Variants in EPHA3 observed in about 807,000 individuals in gnomAD.
The protein encoded by EPHA3 is EPH receptor A3, also known as ephrin type-A receptor 3.
A neutral mutation model predicts 107.1 loss-of-function variants in EPHA3; 42 were observed. That is an observed-to-expected ratio of 0.39 (90% CI 0.31 to 0.51). The LOEUF is 0.51. Among genes scored for constraint, EPHA3 ranks in the 20% least tolerant of loss-of-function variants. EPHA3 has a pLI of 0.78. For synonymous variants in EPHA3, 461 were observed against 424.8 expected, an observed-to-expected ratio of 1.09 and a Z score of -1.05; for missense variants, 1,183 against 1,211.2, an observed-to-expected ratio of 0.98 and a Z score of 0.35.
chr3:89,428,459 T>C (rs147896133), intron 11 of EPHA3, among the ~76,000 whole-genome samples: 2 of 152,294 alleles, frequency 1.3e-5, no homozygotes, highest in South Asian at 2.1e-4. Flanking sequence ...AAACTGGTTA[T>C]TACAAGTTAC....
intron 3 of EPHA3, among the ~76,000 whole-genome samples, chr3:89,246,646 A>G (rs1465620807): frequency 6.6e-6 from 1 of 152,160 alleles, no homozygotes; most frequent in East Asian, 1.9e-4. Flanking sequence ...TCGAATATCA[A>G]TTGCTACTCT....
chr3:89,299,034 G>A (rs1188353788), intron 3 of EPHA3, among the ~76,000 whole-genome samples: 6 of 152,000 alleles, frequency 3.9e-5, no homozygotes, highest in Admixed American at 3.9e-4. Flanking sequence ...TTAATGAAGA[G>A]ATTATTTTAT....
Position 89,264,334 on chromosome 3 carries a change from G to A in EPHA3, c.814+53814G>A, listed in dbSNP as rs138142565. The stretch of plus-strand genomic sequence containing the variant: ...TCACAAGCAAGTGTGAAACCCAGTA[G>A]GGAAAATTCCACTGGGTTTCAAGGC... On this transcript the variant is annotated intron_variant, in intron 3 of 16. Transcript: ENST00000336596. Among the ~76,000 whole-genome samples, 394 of 152,204 alleles carry A rather than the reference G, an allele frequency of 2.6e-3. 1 individual carries two copies. Among genetic ancestry groups the A allele is most frequent in the African/African-American group, 8.9e-3 (368 of 41,538 alleles).
Position 89,413,239 on chromosome 3 carries a change from A to G in EPHA3, c.1861A>G (p.Ile621Val). The change falls in exon 10 of 17, where the codon ATA becomes GTA. Residue 621 changes from isoleucine (I) to valine (V), a missense_variant. Transcript: ENST00000336596. The stretch of plus-strand genomic sequence containing the variant: ...TGCCAAGGAATTGGATGCCACCAAC[A>G]TATCCATTGATAAAGTTGTTGGAGC... ...EFAKELDATN[I>V]SIDKVVGAGE... 6.2e-7 allele frequency: 1 copy of G among 1,611,712 alleles called. No homozygotes were observed. The highest frequency in any genetic ancestry group is 8.5e-7 in the Non-Finnish European group (1 of 1,178,340).
At chr3:89,260,789 G>A (rs1368307546) in intron 3 of EPHA3, among the ~76,000 whole-genome samples, 3 of 152,096 alleles carry the variant, frequency 2.0e-5, no homozygotes, top group Non-Finnish European at 4.4e-5. Context: ...TTTGCCTTTT[G>A]TTTTGCACAC....
At chr3:89,414,582 G>C (rs1709212851) in intron 10 of EPHA3, among the ~76,000 whole-genome samples, 1 of 151,622 alleles carries the variant, frequency 6.6e-6, no homozygotes, top group Non-Finnish European at 1.5e-5. Flanking sequence ...CTCCAGCACG[G>C]AGCCTGCGGT....
intron 7 of EPHA3, among the ~76,000 whole-genome samples, chr3:89,404,177 G>C (rs1192741558): frequency 2.0e-5 from 3 of 152,116 alleles, no homozygotes; most frequent in African/African-American, 7.2e-5. Flanking sequence ...AAGGAAGCCT[G>C]ACAAAGGGAG....
At chr3:89,115,461 A>G (rs1025536919) in intron 1 of EPHA3, among the ~76,000 whole-genome samples, 1 of 151,926 alleles carries the variant, frequency 6.6e-6, no homozygotes, top group African/African-American at 2.4e-5. Flanking sequence ...TGGGCAAGAG[A>G]GGGTTTTTGG....
rs536672333 is a variant in EPHA3 at position 89,192,447 on chromosome 3, A to G, written c.154-17413A>G. Among the ~76,000 whole-genome samples, 210 of 152,062 alleles carry G rather than the reference A, an allele frequency of 1.4e-3. 2 individuals are homozygous for G. The highest frequency in any genetic ancestry group is 4.7e-3 in the African/African-American group (196 of 41,530). ...ATAATAATAAATATAAATAAAAGGT[A>G]AAATATACTATATATACTACATACA... On this transcript the variant is annotated intron_variant, in intron 2 of 16. Transcript: ENST00000336596.
chr3:89,300,232 T>C (rs1297906171), intron 3 of EPHA3, among the ~76,000 whole-genome samples: 2 of 152,002 alleles, frequency 1.3e-5, no homozygotes, highest in Non-Finnish European at 2.9e-5. Context: ...ATCAGGAAGA[T>C]AGTATTACTC....
chr3:89,378,496 C>CA (rs1167839694), intron 5 of EPHA3, among the ~76,000 whole-genome samples: 1 of 151,658 alleles, frequency 6.6e-6, no homozygotes, highest in African/African-American at 2.4e-5. Flanking sequence ...TAGTTTTTTA[C>CA]AAAAAATCTC....
chr3:89,166,717 A>G (rs1381415359), intron 2 of EPHA3, among the ~76,000 whole-genome samples: 1 of 151,976 alleles, frequency 6.6e-6, no homozygotes, highest in Non-Finnish European at 1.5e-5. Context: ...ACAGTGACAT[A>G]TCAGAAATGT....
chr3:89,245,752 C>A (rs1368266251), intron 3 of EPHA3, among the ~76,000 whole-genome samples: 1 of 152,210 alleles, frequency 6.6e-6, no homozygotes, highest in African/African-American at 2.4e-5. Flanking sequence ...GGCCATCCAG[C>A]TGGCATCTAC....
At chr3:89,474,971 A>G (rs1165486845) in intron 16 of EPHA3, among the ~76,000 whole-genome samples, 1 of 152,160 alleles carries the variant, frequency 6.6e-6, no homozygotes, top group East Asian at 1.9e-4. Context: ...TGGTATGGAT[A>G]TGTCCATATT....
At chr3:89,145,866 T>C (rs1704546075) in intron 2 of EPHA3, among the ~76,000 whole-genome samples, 1 of 151,940 alleles carries the variant, frequency 6.6e-6, no homozygotes, top group Non-Finnish European at 1.5e-5. Flanking sequence ...CACCACTGTG[T>C]AATAATATCT....
chr3:89,182,618 G>A lies in EPHA3; in HGVS notation c.154-27242G>A, dbSNP rs539569483. Among the ~76,000 whole-genome samples, 3 of 151,976 alleles carry A rather than the reference G, an allele frequency of 2.0e-5. No individual in the cohort carries two copies. The East Asian group carries it at 5.8e-4, about 29-fold the overall frequency. ...ATAAATTTTGAGCAGAGAAAGTATAGCTTAAATGAAATAGGTTTTTCTAAT... is the reference window on the plus strand; with the variant it reads ...ATAAATTTTGAGCAGAGAAAGTATAACTTAAATGAAATAGGTTTTTCTAAT... On this transcript the variant is annotated intron_variant, in intron 2 of 16. Coordinates refer to ENST00000336596, the MANE Select transcript of EPHA3 (RefSeq NM_005233.6).
chr3:89,164,396 G>A (rs1424075029), intron 2 of EPHA3, among the ~76,000 whole-genome samples: 8 of 152,152 alleles, frequency 5.3e-5, no homozygotes, highest in Non-Finnish European at 7.4e-5. Context: ...GCCTAGACAC[G>A]CCCCCCTAAA....
At chr3:89,347,120 T>C (rs1353976463) in intron 5 of EPHA3, among the ~76,000 whole-genome samples, 1 of 143,312 alleles carries the variant, frequency 7.0e-6, no homozygotes, top group Non-Finnish European at 1.5e-5. Context: ...TGGTTCCATA[T>C]GAACTTTAAA....
At chr3:89,154,201 A>C (rs1455349983) in intron 2 of EPHA3, among the ~76,000 whole-genome samples, 2 of 150,714 alleles carry the variant, frequency 1.3e-5, no homozygotes, top group Non-Finnish European at 3.0e-5. Flanking sequence ...GTTATTATTT[A>C]TATCCCCTTT....
Sources: gnomAD v4.1 joint callset for allele counts (sites outside exome capture counted in the v4.1 genomes callset) on GRCh38, gnomAD v4.1.1 for gene constraint, MANE v1.5 for transcripts, NCBI Gene and HGNC (gene_info 2026-07-23, HGNC 2026-07-21) for gene names.